The following BICC1 variants were observed in gnomAD, a reference collection of about 807,000 sequenced individuals.
BICC1 encodes the protein BicC family RNA binding protein 1.
Under a neutral mutation model 111.0 loss-of-function variants are expected in BICC1, and 43 were observed. That is an observed-to-expected ratio of 0.39 (90% CI 0.30 to 0.50). BICC1 has a LOEUF of 0.50. Ranked by LOEUF, BICC1 falls within the 20% of genes least tolerant of loss-of-function variation. The pLI is 0.88. For synonymous variants in BICC1, 467 were observed against 434.4 expected (o/e 1.07, Z -0.93); for missense variants, 1,091 against 1,203.2 (o/e 0.91, Z 1.38).
intron 2 of BICC1, among the ~76,000 whole-genome samples, chr10:58,623,205 C>T: frequency 6.6e-6 from 1 of 152,162 alleles, no homozygotes; most frequent in South Asian, 2.1e-4. Context: ...TAATTAATTG[C>T]TCTCATTAAA....
chr10:58,799,884 A>G (rs919799285), intron 12 of BICC1, among the ~76,000 whole-genome samples: 9 of 152,000 alleles, frequency 5.9e-5, no homozygotes, highest in African/African-American at 1.5e-4. Context: ...TATTTCTGGG[A>G]AAAATTATGT....
At chr10:58,627,836 A>T (rs756365012) in intron 2 of BICC1, among the ~76,000 whole-genome samples, 23 of 152,228 alleles carry the variant, frequency 1.5e-4, no homozygotes, top group Non-Finnish European at 3.4e-4. Flanking sequence ...AAAGATATTC[A>T]TTGTCACAAT....
At chr10:58,677,022 A>G (rs549057734) in intron 2 of BICC1, among the ~76,000 whole-genome samples, 16 of 151,966 alleles carry the variant, frequency 1.1e-4, no homozygotes, top group Non-Finnish European at 2.2e-4. Flanking sequence ...AAAAAGGACA[A>G]CCACACAAAA....
chr10:58,652,212 T>C (rs963853624), intron 2 of BICC1, among the ~76,000 whole-genome samples: 2 of 152,124 alleles, frequency 1.3e-5, no homozygotes, highest in African/African-American at 2.4e-5. Flanking sequence ...TAGAGTTTTG[T>C]GATTTATTTT....
In BICC1 at chr10:58,798,445, A is replaced by C; in HGVS notation, c.1413A>C (p.Pro471=). ...TTLSLNTSTT[P]NSLLNALNSS... is the part of the protein sequence containing the mutation. ...TATCTCTGAACACTTCAACAACCCCAAACTCACTCTTGAATGCTCTTAATA... is the reference window on the plus strand; with the variant it reads ...TATCTCTGAACACTTCAACAACCCCCAACTCACTCTTGAATGCTCTTAATA... Residue 471 remains proline, a synonymous_variant, in exon 11 of 21, where the codon CCA becomes CCC. Coordinates refer to ENST00000373886, the MANE Select transcript of BICC1 (RefSeq NM_001080512.3). 3 of 1,612,858 alleles carry C rather than the reference A, an allele frequency of 1.9e-6. No individual in the cohort carries two copies. Among genetic ancestry groups the C allele is most frequent in the Non-Finnish European group, 2.5e-6 (3 of 1,179,438 alleles).
chr10:58,573,384 G>A (rs1157133701), intron 1 of BICC1, among the ~76,000 whole-genome samples: 44 of 152,114 alleles, frequency 2.9e-4, no homozygotes, highest in Admixed American at 2.9e-3. Flanking sequence ...AAGCTTTTGA[G>A]CCCTTTCTAG....
rs190292184 is a variant in BICC1 at position 58,716,192 on chromosome 10, A to G, written c.307+14049A>G. 9 of 1,499,804 alleles carry G rather than the reference A, an allele frequency of 6.0e-6. No individual in the cohort carries two copies. In the East Asian group the frequency reaches 7.4e-5, roughly 12 times the overall value. 92.9% of individuals were successfully genotyped at this position (1,499,804 alleles called of 1,614,324 possible). On this transcript the variant is annotated intron_variant, in intron 3 of 20. Transcript: ENST00000373886. Reference sequence around the variant, plus strand: ...GCAAAAAAGAAGAAAAGCAGTGAAGAACGAGAAAAAGCAACAGAAAAAACA... The same window carrying G: ...GCAAAAAAGAAGAAAAGCAGTGAAGGACGAGAAAAAGCAACAGAAAAAACA...
At chr10:58,695,634 A>G (rs1430221786) in intron 2 of BICC1, among the ~76,000 whole-genome samples, 2 of 152,168 alleles carry the variant, frequency 1.3e-5, no homozygotes, top group Non-Finnish European at 2.9e-5. Context: ...GTGGATTTTT[A>G]ACTTAACGTC....
intron 14 of BICC1, 104 bp downstream of exon 14, chr10:58,801,150 A>C: frequency 3.2e-4 from 315 of 993,234 alleles, no homozygotes; most frequent in Middle Eastern, 6.1e-4. Context: ...GTTTGATCTC[A>C]TCCATGGGTG....
At chr10:58,535,837 C>T (rs1842810576) in intron 1 of BICC1, among the ~76,000 whole-genome samples, 1 of 151,414 alleles carries the variant, frequency 6.6e-6, no homozygotes, top group South Asian at 2.1e-4. Context: ...GGAGACACAT[C>T]TAACACAAGG....
chr10:58,642,653 A>G (rs1838157314), intron 2 of BICC1, among the ~76,000 whole-genome samples: 1 of 140,150 alleles, frequency 7.1e-6, no homozygotes, highest in East Asian at 2.1e-4. Context: ...TATGCTCCTG[A>G]CAATATGAAC....
At chr10:58,595,357 A>G (rs1244405918) in intron 1 of BICC1, among the ~76,000 whole-genome samples, 1 of 152,214 alleles carries the variant, frequency 6.6e-6, no homozygotes, top group Admixed American at 6.5e-5. Context: ...GCTCTGGACC[A>G]AGTGGACCTA....
chr10:58,761,753 G>T (rs1407018510), intron 3 of BICC1, among the ~76,000 whole-genome samples: 3 of 152,096 alleles, frequency 2.0e-5, no homozygotes, highest in Non-Finnish European at 4.4e-5. Flanking sequence ...GACTGGCATG[G>T]AAATCTTTGA....
chr10:58,605,080 A>G (rs567784492), intron 1 of BICC1, among the ~76,000 whole-genome samples: 1 of 152,318 alleles, frequency 6.6e-6, no homozygotes, highest in South Asian at 2.1e-4. Flanking sequence ...ATTTCAGCAT[A>G]TGACTATGAA....
chr10:58,797,021 C>A (rs1001410947), intron 10 of BICC1, among the ~76,000 whole-genome samples: 1 of 152,010 alleles, frequency 6.6e-6, no homozygotes, highest in Non-Finnish European at 1.5e-5. Flanking sequence ...TAGTCAGAGG[C>A]CAGACCTGTA....
At chr10:58,689,178 G>A (rs1338928853) in intron 2 of BICC1, among the ~76,000 whole-genome samples, 1 of 152,136 alleles carries the variant, frequency 6.6e-6, no homozygotes, top group African/African-American at 2.4e-5. Flanking sequence ...CACACTGATG[G>A]TTGGTACTCC....
chr10:58,645,702 A>T (rs1419195432), intron 2 of BICC1, among the ~76,000 whole-genome samples: 1 of 152,218 alleles, frequency 6.6e-6, no homozygotes, highest in East Asian at 1.9e-4. Context: ...GCAGTCATGA[A>T]GTTAAATTTT....
chr10:58,626,805 TA>T (rs1837640847), intron 2 of BICC1, among the ~76,000 whole-genome samples: 1 of 152,204 alleles, frequency 6.6e-6, no homozygotes, highest in South Asian at 2.1e-4. Context: ...TGAGATTGTT[TA>T]AAAATGTATG....
intron 2 of BICC1, among the ~76,000 whole-genome samples, chr10:58,700,930 T>TA (rs1840213675): frequency 6.6e-6 from 1 of 152,182 alleles, no homozygotes; most frequent in Non-Finnish European, 1.5e-5. Flanking sequence ...GCTCAAACTT[T>TA]AAAAAACCTT....
Sources: allele counts gnomAD v4.1 joint callset (sites outside exome capture counted in the v4.1 genomes callset), GRCh38; gene constraint gnomAD v4.1.1; transcripts MANE v1.5; gene names NCBI Gene and HGNC (gene_info 2026-07-23, HGNC 2026-07-21).